The following CCDC141 variants were observed in gnomAD, a reference collection of about 807,000 sequenced individuals.
The protein encoded by CCDC141 is coiled-coil domain-containing protein 141.
In CCDC141, 168 loss-of-function variants were observed where a neutral mutation model predicts 181.0. The ratio of observed to expected loss-of-function variants is 0.93; its 90% CI spans 0.82 to 1.05. The LOEUF (loss-of-function observed/expected upper bound fraction) is 1.05. CCDC141 is among the 50% of genes least tolerant of loss of function. CCDC141 has a pLI of 0.00. For missense variants in CCDC141, 1,902 were observed against 1,788.5 expected (o/e 1.06, Z -1.14); for synonymous variants, 666 against 642.3 (o/e 1.04, Z -0.56).
At chr2:178,870,627 C>T (rs896431836) in intron 14 of CCDC141, among the ~76,000 whole-genome samples, 1 of 152,146 alleles carries the variant, frequency 6.6e-6, no homozygotes, top group East Asian at 1.9e-4. Context: ...GTAGCAGGTG[C>T]GGTGGTTATA....
At chr2:178,989,829 TAAAAAAAA>T (rs71023463) in intron 2 of CCDC141, among the ~76,000 whole-genome samples, 12 of 81,398 alleles carry the variant, frequency 1.5e-4, no homozygotes, top group African/African-American at 5.4e-4. Context: ...GCTATAATCT[TAAAAAAAA>T]AAAAAAAAAA....
intron 23 of CCDC141, 117 bp from the exon 24 acceptor site, chr2:178,834,557 A>G: frequency 8.5e-7 from 1 of 1,173,680 alleles, no homozygotes; most frequent in Admixed American, 2.6e-5. Flanking sequence ...TAGGATTAGT[A>G]GGAACCTTGT....
At chr2:178,998,691 G>T (rs1692397106) in intron 2 of CCDC141, among the ~76,000 whole-genome samples, 1 of 151,822 alleles carries the variant, frequency 6.6e-6, no homozygotes, top group Admixed American at 6.6e-5. Flanking sequence ...AGTGCACTCT[G>T]ATTTTTCTTC....
Position 178,991,092 on chromosome 2 carries a change from C to G in CCDC141, c.226-12417G>C, listed in dbSNP as rs546911698. Among the ~76,000 whole-genome samples the G allele has an allele frequency of 7.9e-5, 12 of 152,308 alleles. No individual in the cohort carries two copies. The South Asian group carries it at 2.5e-3, about 32-fold the overall frequency. ...GCTACTGAAACAACCTGCTGCAACT[C>G]TGAGACTAGTTTTGCCCACGACTGT... On this transcript the variant is annotated intron_variant, in intron 2 of 23. Coordinates refer to ENST00000443758, the MANE Select transcript of CCDC141 (RefSeq NM_173648.4).
chr2:178,881,823 A>T (rs1686622213), intron 11 of CCDC141, among the ~76,000 whole-genome samples: 1 of 147,522 alleles, frequency 6.8e-6, no homozygotes, highest in African/African-American at 2.5e-5. Flanking sequence ...GAGCCTGGGG[A>T]AGTCGAGGCT....
chr2:179,020,163 A>C (rs181521406), intron 2 of CCDC141, among the ~76,000 whole-genome samples: 1 of 152,150 alleles, frequency 6.6e-6, no homozygotes, highest in Non-Finnish European at 1.5e-5. Context: ...TAGAACGGGC[A>C]TGTGTATTTC....
intron 2 of CCDC141, among the ~76,000 whole-genome samples, chr2:178,983,213 C>T (rs1422971769): frequency 6.6e-6 from 1 of 152,186 alleles, no homozygotes; most frequent in East Asian, 1.9e-4. Context: ...ACACTGACAC[C>T]TCACACTGCA....
At chr2:178,841,913 G>A (rs908452138) in intron 22 of CCDC141, among the ~76,000 whole-genome samples, 1 of 152,318 alleles carries the variant, frequency 6.6e-6, no homozygotes, top group Non-Finnish European at 1.5e-5. Flanking sequence ...GGTTACAGGC[G>A]TAAGCTACAG....
intron 4 of CCDC141, among the ~76,000 whole-genome samples, chr2:178,969,695 T>C (rs1159039510): frequency 6.6e-6 from 1 of 152,188 alleles, no homozygotes; most frequent in East Asian, 1.9e-4. Context: ...ATTGGAAGCA[T>C]TTCCTTTGAA....
At chr2:178,890,533 T>C (rs984953159) in intron 8 of CCDC141, among the ~76,000 whole-genome samples, 67 of 152,174 alleles carry the variant, frequency 4.4e-4, no homozygotes, top group African/African-American at 1.4e-3. Flanking sequence ...ATAAGACTGT[T>C]AGCCAGCTTC....
At position 179,047,381 on chromosome 2, in the gene CCDC141, A is replaced by G; in HGVS notation, c.128T>C (p.Leu43Pro). ...IKCGKWVQLQLAESQPNLLEI... is the reference protein window; with the variant it reads ...IKCGKWVQLQPAESQPNLLEI... ...TAGAAGATTGGGCTGTGATTCAGCC[A>G]GTTGAAGTTGTACCCATTTGCCACA... The change falls in exon 2 of 24, where the codon CTG (leucine) becomes CCG (proline). Residue 43 changes from leucine to proline, a missense_variant. Physicochemically the swap from Leu to Pro is moderately conservative, Grantham distance 98. Transcript: ENST00000443758. 6.5e-7 allele frequency: 1 copy of G among 1,529,782 alleles called. No individual in the cohort carries two copies. The highest frequency in any genetic ancestry group is 8.8e-7 in the Non-Finnish European group (1 of 1,140,650). The allele number at this position is 1,529,782 out of a possible 1,614,324, so 94.8% of individuals were successfully genotyped here.
At chr2:178,909,579 G>A (rs564440283) in intron 7 of CCDC141, among the ~76,000 whole-genome samples, 1 of 152,270 alleles carries the variant, frequency 6.6e-6, no homozygotes, top group East Asian at 1.9e-4. Context: ...TATACACAAA[G>A]CTCATCTCTC....
rs765129826 is a variant in CCDC141, at chr2:178,878,989, C to T, written c.1720-846G>A. On this transcript the variant is annotated intron_variant, in intron 11 of 23. Transcript: ENST00000443758. ...CAGAATAAAAAAGTATAAATAATTA[C>T]TAATTTTCTGCCAAAGTATAATACT... 2.8e-4 allele frequency among the ~76,000 whole-genome samples: 42 copies of T among 152,230 alleles called. 1 individual carries two copies. The highest frequency in any genetic ancestry group is 1.2e-3 in the Admixed American group (18 of 15,280).
intron 8 of CCDC141, among the ~76,000 whole-genome samples, chr2:178,893,696 ATTT>A (rs1687261557): frequency 6.6e-6 from 1 of 152,060 alleles, no homozygotes; most frequent in Non-Finnish European, 1.5e-5. Flanking sequence ...AAAAAGTGCC[ATTT>A]ATACTGTAGA....
At chr2:178,852,231 A>C in intron 20 of CCDC141, among the ~76,000 whole-genome samples, 1 of 152,190 alleles carries the variant, frequency 6.6e-6, no homozygotes, top group East Asian at 1.9e-4. Flanking sequence ...ACGGGAAGGG[A>C]ATTTAACTTT....
At chr2:178,855,678 A>G in intron 18 of CCDC141, 137 bp from the exon 19 acceptor site, 2 of 548,508 alleles carry the variant, frequency 3.6e-6, no homozygotes, top group Non-Finnish European at 6.3e-6. Context: ...TTACAAATAT[A>G]TTATGGTAAG....
chr2:178,952,045 T>C (rs1689971806), intron 5 of CCDC141, among the ~76,000 whole-genome samples: 1 of 152,202 alleles, frequency 6.6e-6, no homozygotes, highest in African/African-American at 2.4e-5. Context: ...AAGAAATAGC[T>C]AAAGGGCGGA....
chr2:178,895,001 T>C (rs1687338338), intron 8 of CCDC141, among the ~76,000 whole-genome samples: 1 of 152,172 alleles, frequency 6.6e-6, no homozygotes, highest in Non-Finnish European at 1.5e-5. Flanking sequence ...ACTTTCTTTT[T>C]GGTAGTCCCC....
chr2:178,857,114 C>A (rs774688942), intron 17 of CCDC141, among the ~76,000 whole-genome samples: 7 of 152,002 alleles, frequency 4.6e-5, no homozygotes, highest in Non-Finnish European at 1.0e-4. Flanking sequence ...TATTTGATAT[C>A]TTTTTTCCCA....
Sources: gnomAD v4.1 joint callset for allele counts (sites outside exome capture counted in the v4.1 genomes callset) on GRCh38, gnomAD v4.1.1 for gene constraint, MANE v1.5 for transcripts, NCBI Gene and HGNC (gene_info 2026-07-23, HGNC 2026-07-21) for gene names.